WDR17: variants seen among roughly 807,000 people sequenced by gnomAD.
WDR17 encodes the protein WD repeat domain 17, also known as WD repeat-containing protein 17.
In WDR17, 143 loss-of-function variants were observed where a neutral mutation model predicts 161.7. The ratio of observed to expected loss-of-function variants is 0.88; its 90% CI spans 0.77 to 1.02. The LOEUF is 1.02. WDR17 is among the 50% of genes least tolerant of loss of function. The pLI, the probability that WDR17 is intolerant of heterozygous loss-of-function variation, is 0.00. For synonymous variants in WDR17, 517 were observed against 515.6 expected (o/e 1.00, Z -0.04); for missense variants, 1,469 against 1,520.9 (o/e 0.97, Z 0.57).
intron 9 of WDR17, 85 bp downstream of exon 9, chr4:176,137,696 A>G: frequency 1.3e-6 from 1 of 744,270 alleles, no homozygotes. Context: ...TTCTTAATAT[A>G]ATATCACTTA....
chr4:176,160,868 A>G (rs1300729020), intron 19 of WDR17, 43 bp from the exon 20 acceptor site: 30 of 1,470,802 alleles, frequency 2.0e-5, no homozygotes, highest in Non-Finnish European at 2.7e-5. Context: ...GTCAATTATC[A>G]ACAATTAGCT....
At chr4:176,076,705 A>G (rs1181950762) in intron 1 of WDR17, among the ~76,000 whole-genome samples, 1 of 150,706 alleles carries the variant, frequency 6.6e-6, no homozygotes, top group Non-Finnish European at 1.5e-5. Flanking sequence ...TGTTTTTTTC[A>G]TAATCATTAT....
intron 1 of WDR17, among the ~76,000 whole-genome samples, chr4:176,102,540 A>G (rs1168334702): frequency 6.6e-6 from 1 of 152,250 alleles, no homozygotes; most frequent in Non-Finnish European, 1.5e-5. Flanking sequence ...AAAAAGCAGC[A>G]CATGGATGTT....
At chr4:176,125,080 A>G in intron 4 of WDR17, 24 bp from the exon 5 acceptor site, 1 of 1,605,796 alleles carries the variant, frequency 6.2e-7, no homozygotes, top group South Asian at 1.1e-5. Context: ...TTTTTTGGAA[A>G]TAATTATCTC....
At chr4:176,105,725 G>T (rs951200048) in intron 1 of WDR17, among the ~76,000 whole-genome samples, 1 of 151,888 alleles carries the variant, frequency 6.6e-6, no homozygotes, top group African/African-American at 2.4e-5. Flanking sequence ...AATGCCAGGG[G>T]GCAAATTTGT....
At chr4:176,134,801 A>G (rs73020019) in intron 7 of WDR17, among the ~76,000 whole-genome samples, 5,063 of 151,782 alleles carry the variant, frequency 0.033, 235 homozygotes, top group African/African-American at 0.11. Flanking sequence ...TTTAATAAAA[A>G]TAGAAAATAT....
At chr4:176,066,760 T>C (rs947186945) in intron 1 of WDR17, among the ~76,000 whole-genome samples, 2 of 150,646 alleles carry the variant, frequency 1.3e-5, no homozygotes, top group East Asian at 3.8e-4. Context: ...CATATTAATA[T>C]ATACATATAT....
chr4:176,073,861 A>T (rs369799998), intron 1 of WDR17, among the ~76,000 whole-genome samples: 2 of 151,840 alleles, frequency 1.3e-5, no homozygotes, highest in African/African-American at 4.8e-5. Context: ...GCCAGTGATG[A>T]TGAGCATTTT....
In WDR17 at chr4:176,174,642, TG is replaced by T. The variant is rs754327025; in HGVS notation, c.3374del (p.Cys1125LeufsTer29). 6.2e-7 allele frequency: 1 copy of T among 1,610,946 alleles called. No individual in the cohort carries two copies. The highest frequency in any genetic ancestry group is 1.1e-5 in the South Asian group (1 of 90,420). ...AGCTCGAAATGAGTTGCTGATATTA[TG>T]TGGTTACATTGGTGCATTACTGGCT... ...TEARNELLIL[C>X]GYIGALLAIR... On this transcript the variant is annotated frameshift_variant, in exon 26 of 29. Coordinates refer to ENST00000508596, the MANE Select transcript of WDR17 (RefSeq NM_181265.4). LOFTEE classifies it high-confidence loss of function.
At chr4:176,115,761 G>A in intron 2 of WDR17, 35 bp from the exon 3 acceptor site, 1 of 1,472,390 alleles carries the variant, frequency 6.8e-7, no homozygotes, top group Non-Finnish European at 9.1e-7. Context: ...TTAAAAAGGA[G>A]CACTAAAATA....
intron 4 of WDR17, among the ~76,000 whole-genome samples, chr4:176,123,126 T>G (rs1195860316): frequency 1.3e-5 from 2 of 152,216 alleles, no homozygotes; most frequent in Non-Finnish European, 2.9e-5. Context: ...ACAATCATGT[T>G]TAAATTGAAT....
At position 176,107,313 on chromosome 4, in the gene WDR17, C is replaced by T. The variant is rs750427279; in HGVS notation, c.-6-4262C>T. ...GCACGTGTTGGTGAGGATGAGTTAG[C>T]CAAACACTTGTGCCCTGTTGTAATG... On this transcript the variant is annotated intron_variant, in intron 1 of 28. Transcript: ENST00000508596. 2.6e-5 allele frequency among the ~76,000 whole-genome samples: 4 copies of T among 151,372 alleles called. No homozygotes were observed. In the East Asian group the frequency reaches 5.8e-4, roughly 22 times the overall value.
intron 7 of WDR17, among the ~76,000 whole-genome samples, chr4:176,132,728 C>A (rs1032365854): frequency 6.6e-6 from 1 of 151,678 alleles, no homozygotes; most frequent in Non-Finnish European, 1.5e-5. Flanking sequence ...TTTAACTTTT[C>A]TTTTTATATA....
At chr4:176,166,490 A>G (rs1185789111) in intron 22 of WDR17, among the ~76,000 whole-genome samples, 8 of 152,146 alleles carry the variant, frequency 5.3e-5, no homozygotes. Flanking sequence ...TATCATTTTT[A>G]TATGTACATT....
At chr4:176,089,516 GTC>G (rs1380534690) in intron 1 of WDR17, among the ~76,000 whole-genome samples, 1 of 152,084 alleles carries the variant, frequency 6.6e-6, no homozygotes, top group African/African-American at 2.4e-5. Context: ...GTGGCAGCCA[GTC>G]TCTGCTTTGC....
chr4:176,127,712 C>T (rs1191842167), intron 5 of WDR17, among the ~76,000 whole-genome samples: 3 of 152,152 alleles, frequency 2.0e-5, no homozygotes, highest in African/African-American at 7.2e-5. Flanking sequence ...TCACAAAGCT[C>T]TACAATTATT....
chr4:176,155,944 G>C (rs940295991), intron 17 of WDR17, 135 bp from the exon 18 acceptor site: 1 of 738,588 alleles, frequency 1.4e-6, no homozygotes, highest in East Asian at 3.3e-5. Context: ...AAGTCAGAAA[G>C]TACCAAATCA....
At position 176,182,312 on chromosome 4, in the gene WDR17, A is replaced by G. The variant is rs1217669094; in HGVS notation, c.*2733A>G. 1 of 151,842 alleles carries G rather than the reference A, an allele frequency of 6.6e-6. No individual in the cohort carries two copies. Among genetic ancestry groups the G allele is most frequent in the Non-Finnish European group, 1.5e-5 (1 of 67,900 alleles). 9.4% of individuals were successfully genotyped at this position (151,842 alleles called of 1,614,324 possible). A position where few individuals can be genotyped will look rare whatever the true frequency, so the allele number is the denominator to read the frequency against. ...AAATAGTTACATCTTGTGAAAATAT[A>G]TGATTTTTATGTCAATCAAGACAAA... On this transcript the variant is annotated 3_prime_UTR_variant, in exon 29 of 29. Transcript: ENST00000508596. This position sits in a 1 kb window ranked among gnomAD's most constrained non-coding sequence, Gnocchi z 4.2.
Position 176,145,857 on chromosome 4 carries a change from T to C in WDR17, c.1530-138T>C, listed in dbSNP as rs1158285883. On this transcript the variant is annotated intron_variant, in intron 11 of 28. Coordinates refer to ENST00000508596, the MANE Select transcript of WDR17 (RefSeq NM_181265.4). ...AGTAGCGTGATTATACACGATTTTT[T>C]ACATATGTAAGTTTTTAGTCTAACT... The C allele has an allele frequency of 6.0e-6, 4 of 664,638 alleles. No homozygotes were observed. In the East Asian group the frequency reaches 1.1e-4, roughly 19 times the overall value. 41.2% of individuals were successfully genotyped at this position (664,638 alleles called of 1,614,324 possible).
Sources: allele counts gnomAD v4.1 joint callset (sites outside exome capture counted in the v4.1 genomes callset), GRCh38; gene constraint gnomAD v4.1.1; non-coding constraint Gnocchi (gnomAD v3.1); transcripts MANE v1.5; gene names NCBI Gene and HGNC (gene_info 2026-07-23, HGNC 2026-07-21).